The following RAB11FIP4 variants were observed in gnomAD, a reference collection of about 807,000 sequenced individuals.
The protein encoded by RAB11FIP4 is rab11 family-interacting protein 4.
RAB11FIP4 carries 23 observed loss-of-function variants against 74.3 expected under a neutral mutation model. That is an observed-to-expected ratio of 0.31 (90% CI 0.22 to 0.44). The LOEUF is 0.44. Ranked by LOEUF, RAB11FIP4 falls within the 20% of genes least tolerant of loss-of-function variation. The pLI, the probability that RAB11FIP4 is intolerant of heterozygous loss-of-function variation, is 1.00. For synonymous variants in RAB11FIP4, 360 were observed against 359.9 expected (o/e 1.00, Z 0.00); for missense variants, 630 against 863.9 (o/e 0.73, Z 3.39).
At chr17:31,422,576 AC>A (rs1387421042) in intron 1 of RAB11FIP4, among the ~76,000 whole-genome samples, 1 of 151,502 alleles carries the variant, frequency 6.6e-6, no homozygotes, top group Non-Finnish European at 1.5e-5. Context: ...TGGTGAGTTG[AC>A]CCTTTAATAT....
At chr17:31,466,880 T>C (rs1003511555) in intron 3 of RAB11FIP4, among the ~76,000 whole-genome samples, 3 of 152,194 alleles carry the variant, frequency 2.0e-5, no homozygotes, top group Non-Finnish European at 4.4e-5. Context: ...TCAAGCTTTA[T>C]TATGTCAATT....
At position 31,517,728 on chromosome 17, in the gene RAB11FIP4, G is replaced by A; in HGVS notation, c.414G>A (p.Glu138=). The part of the protein sequence containing the change: ...PREPGFFPED[E]EEAMTLAPPE... ...AACCCGGCTTTTTTCCCGAGGACGA[G>A]GAGGAGGCTATGACGCTGGCGCCAC... is the stretch of plus-strand genomic sequence containing the variant. The change falls in exon 4 of 15, where the codon GAG becomes GAA. Residue 138 remains glutamate (E), a synonymous_variant. Transcript: ENST00000621161. 6 of 1,600,538 alleles carry A rather than the reference G, an allele frequency of 3.7e-6. No homozygotes were observed. Among genetic ancestry groups the A allele is most frequent in the African/African-American group, 1.3e-5 (1 of 74,924 alleles).
chr17:31,417,819 G>A (rs1406520319), intron 1 of RAB11FIP4, among the ~76,000 whole-genome samples: 4 of 152,218 alleles, frequency 2.6e-5, no homozygotes, highest in African/African-American at 4.8e-5. Context: ...AAAGCCAGGG[G>A]CTGGGCATGG....
chr17:31,444,049 T>C (rs2071428665), intron 3 of RAB11FIP4, among the ~76,000 whole-genome samples: 2 of 152,226 alleles, frequency 1.3e-5, no homozygotes, highest in South Asian at 4.1e-4. Flanking sequence ...AAAATGATGA[T>C]AACCTGTGCC....
At chr17:31,447,067 G>A (rs996116128) in intron 3 of RAB11FIP4, among the ~76,000 whole-genome samples, 1 of 152,214 alleles carries the variant, frequency 6.6e-6, no homozygotes. Context: ...GGCGGATCAC[G>A]AGGTCAGGAG....
intron 1 of RAB11FIP4, among the ~76,000 whole-genome samples, chr17:31,411,607 A>G (rs2071096884): frequency 1.3e-5 from 2 of 152,220 alleles, no homozygotes; most frequent in Admixed American, 1.3e-4. Flanking sequence ...CAGGCCTCTG[A>G]GCTACTTTCT....
At chr17:31,478,389 T>C (rs967179993) in intron 3 of RAB11FIP4, among the ~76,000 whole-genome samples, 1 of 152,198 alleles carries the variant, frequency 6.6e-6, no homozygotes, top group African/African-American at 2.4e-5. Context: ...CTCAGAACAC[T>C]GATCCCTTGT....
intron 1 of RAB11FIP4, among the ~76,000 whole-genome samples, chr17:31,413,180 C>T (rs1029141855): frequency 6.6e-6 from 1 of 152,204 alleles, no homozygotes; most frequent in East Asian, 1.9e-4. Context: ...CTGGGGAGCT[C>T]GGCATGTTTC....
intron 1 of RAB11FIP4, among the ~76,000 whole-genome samples, chr17:31,417,651 G>A (rs1050056455): frequency 1.3e-5 from 2 of 152,224 alleles, no homozygotes; most frequent in African/African-American, 4.8e-5. Context: ...AGCCTAGGTG[G>A]GGCTGCGGTG....
chr17:31,530,361 G>A lies in RAB11FIP4; in HGVS notation c.1689G>A (p.Leu563=), dbSNP rs1276454148. Residue 563 remains leucine, a synonymous_variant, in exon 14 of 15, where the codon TTG becomes TTA. Transcript: ENST00000621161. The part of the protein sequence containing the change: ...NYKLRDQNDD[L]NGQILSLSLY... ...AGCTGCGGGATCAGAACGACGACTTGAATGGGCAGATTTTGAGCCTCAGCC... is the reference window on the plus strand; with the variant it reads ...AGCTGCGGGATCAGAACGACGACTTAAATGGGCAGATTTTGAGCCTCAGCC... 7 of 1,614,198 alleles carry A rather than the reference G, an allele frequency of 4.3e-6. No homozygotes were observed. The East Asian group carries it at 1.6e-4, about 36-fold the overall frequency.
At chr17:31,410,197 A>G (rs2071080254) in intron 1 of RAB11FIP4, among the ~76,000 whole-genome samples, 1 of 151,966 alleles carries the variant, frequency 6.6e-6, no homozygotes, top group Admixed American at 6.6e-5. Flanking sequence ...CTTTGGGGAT[A>G]TTTAGAAGAG....
intron 3 of RAB11FIP4, among the ~76,000 whole-genome samples, chr17:31,455,229 A>T (rs936518681): frequency 1.3e-5 from 2 of 152,200 alleles, no homozygotes; most frequent in African/African-American, 4.8e-5. Context: ...AAGTAACTAA[A>T]CAAGGAAGAG....
intron 1 of RAB11FIP4, among the ~76,000 whole-genome samples, chr17:31,414,591 CG>C (rs2071129607): frequency 6.6e-6 from 1 of 152,308 alleles, no homozygotes; most frequent in East Asian, 1.9e-4. Context: ...GAGGTGTTGG[CG>C]GTCCCATAAA....
At chr17:31,443,465 A>T (rs1023390906) in intron 3 of RAB11FIP4, among the ~76,000 whole-genome samples, 25 of 152,148 alleles carry the variant, frequency 1.6e-4, no homozygotes, top group African/African-American at 5.3e-4. Flanking sequence ...TGTGTATTTG[A>T]TTTTTAATTC....
intron 3 of RAB11FIP4, among the ~76,000 whole-genome samples, chr17:31,517,127 A>T (rs1427995045): frequency 6.9e-6 from 1 of 145,454 alleles, no homozygotes; most frequent in Non-Finnish European, 1.5e-5. Context: ...GGAGGGGACC[A>T]ATCAGAGATA....
intron 3 of RAB11FIP4, among the ~76,000 whole-genome samples, chr17:31,441,186 G>A (rs1450830079): frequency 2.6e-5 from 4 of 151,888 alleles, no homozygotes; most frequent in African/African-American, 7.3e-5. Flanking sequence ...CACCATGCCC[G>A]GCTAATTTTT....
chr17:31,517,191 C>CGGGG (rs537395833), intron 3 of RAB11FIP4, among the ~76,000 whole-genome samples: 80 of 42,730 alleles, frequency 1.9e-3, no homozygotes, highest in Non-Finnish European at 3.4e-3. Context: ...GGAGGCGGTG[C>CGGGG]GGGGGGGGGG....
intron 1 of RAB11FIP4, among the ~76,000 whole-genome samples, chr17:31,402,645 A>G (rs1445289152): frequency 1.8e-5 from 2 of 113,674 alleles, no homozygotes; most frequent in Non-Finnish European, 3.7e-5. Flanking sequence ...TTTTTGAGAC[A>G]GAGTCTTGCT....
At chr17:31,514,417 T>C (rs1465481578) in intron 3 of RAB11FIP4, among the ~76,000 whole-genome samples, 1 of 152,172 alleles carries the variant, frequency 6.6e-6, no homozygotes, top group Non-Finnish European at 1.5e-5. Context: ...TGGTGGGCCA[T>C]AGCCTCCCCA....
Sources: gnomAD v4.1 joint callset for allele counts (sites outside exome capture counted in the v4.1 genomes callset) on GRCh38, gnomAD v4.1.1 for gene constraint, MANE v1.5 for transcripts, NCBI Gene and HGNC (gene_info 2026-07-23, HGNC 2026-07-21) for gene names.